Variants in ROBO2 observed in about 807,000 individuals in gnomAD.
ROBO2 encodes roundabout homolog 2.
ROBO2 carries 53 observed loss-of-function variants against 160.8 expected under a neutral mutation model. That is an observed-to-expected ratio of 0.33 (90% CI 0.26 to 0.41). The LOEUF is 0.41. Among genes scored for constraint, ROBO2 ranks in the 10% least tolerant of loss-of-function variants. The pLI, the probability that ROBO2 is intolerant of heterozygous loss-of-function variation, is 1.00. For missense variants in ROBO2, 1,577 were observed against 1,722.4 expected, an observed-to-expected ratio of 0.92 and a Z score of 1.49; for synonymous variants, 664 against 611.7, an observed-to-expected ratio of 1.09 and a Z score of -1.26.
At chr3:76,023,523 CAGTT>C (rs1201411774) in intron 2 of ROBO2, among the ~76,000 whole-genome samples, 8 of 151,480 alleles carry the variant, frequency 5.3e-5, no homozygotes, top group Non-Finnish European at 8.9e-5. Context: ...GATGGAAGAA[CAGTT>C]AGTTGCTAAA....
At chr3:76,715,552 A>G (rs1218896715) in intron 2 of ROBO2, among the ~76,000 whole-genome samples, 2 of 152,162 alleles carry the variant, frequency 1.3e-5, no homozygotes, top group Admixed American at 6.5e-5. Context: ...TTTGAACAAG[A>G]ATCTTGGTCC....
chr3:76,589,592 C>G (rs978318756), intron 2 of ROBO2, among the ~76,000 whole-genome samples: 2 of 152,168 alleles, frequency 1.3e-5, no homozygotes, highest in Admixed American at 1.3e-4. Flanking sequence ...AAACACTCCT[C>G]AAATGGGAAA....
At chr3:77,372,518 C>T (rs2071921109) in intron 2 of ROBO2, among the ~76,000 whole-genome samples, 3 of 152,260 alleles carry the variant, frequency 2.0e-5, no homozygotes, top group East Asian at 1.9e-4. Flanking sequence ...ATAATCATGT[C>T]ACCGTGCATA....
intron 2 of ROBO2, among the ~76,000 whole-genome samples, chr3:77,306,647 A>G (rs1218430388): frequency 2.0e-5 from 3 of 152,198 alleles, no homozygotes; most frequent in African/African-American, 4.8e-5. Flanking sequence ...GTCTAAAAAG[A>G]TGGAGACATA....
At chr3:77,066,522 T>C (rs1241681459) in intron 1 of ROBO2, among the ~76,000 whole-genome samples, 1 of 152,070 alleles carries the variant, frequency 6.6e-6, no homozygotes, top group African/African-American at 2.4e-5. Context: ...TAGACAGCAA[T>C]CTCTATGTGA....
At chr3:76,055,809 AGT>A (rs2067824028) in intron 2 of ROBO2, among the ~76,000 whole-genome samples, 2 of 152,070 alleles carry the variant, frequency 1.3e-5, no homozygotes, top group African/African-American at 4.8e-5. Context: ...GGCAGGCTGG[AGT>A]GCAGTGGCGC....
intron 2 of ROBO2, among the ~76,000 whole-genome samples, chr3:76,249,680 A>G (rs1206139505): frequency 6.6e-6 from 1 of 152,088 alleles, no homozygotes; most frequent in African/African-American, 2.4e-5. Flanking sequence ...TTTACTGCAG[A>G]AAATTATTTG....
At chr3:76,036,244 G>T (rs2067103706) in intron 2 of ROBO2, among the ~76,000 whole-genome samples, 1 of 151,830 alleles carries the variant, frequency 6.6e-6, no homozygotes, top group Non-Finnish European at 1.5e-5. Context: ...CCGCCTCCCG[G>T]GTTCAAGTGA....
intron 2 of ROBO2, among the ~76,000 whole-genome samples, chr3:76,295,693 A>G (rs7610408): frequency 0.016 from 2,394 of 152,262 alleles, 52 homozygotes; most frequent in African/African-American, 0.054. Context: ...AGCCTTTATC[A>G]AGAAAACATT....
chr3:76,138,697 G>T (rs1442023585), intron 2 of ROBO2, among the ~76,000 whole-genome samples: 2 of 152,018 alleles, frequency 1.3e-5, no homozygotes, highest in Non-Finnish European at 2.9e-5. Flanking sequence ...CTTGTCCACA[G>T]AATCCAATTA....
At chr3:76,604,972 C>T (rs1049916363) in intron 2 of ROBO2, among the ~76,000 whole-genome samples, 3 of 152,096 alleles carry the variant, frequency 2.0e-5, no homozygotes, top group South Asian at 2.1e-4. Context: ...AAGCAAACTA[C>T]GTCAAACTGA....
At chr3:77,607,772 C>T in intron 20 of ROBO2, 26 bp from the exon 22 acceptor site, 3 of 1,609,338 alleles carry the variant, frequency 1.9e-6, no homozygotes, top group Non-Finnish European at 2.6e-6. Flanking sequence ...TTTGGCATCT[C>T]TGAATAAATA....
intron 2 of ROBO2, among the ~76,000 whole-genome samples, chr3:77,217,842 G>C (rs927768363): frequency 3.3e-5 from 5 of 152,102 alleles, no homozygotes; most frequent in Non-Finnish European, 7.3e-5. Context: ...GAAACCCAGG[G>C]TCTAGACTAA....
intron 2 of ROBO2, among the ~76,000 whole-genome samples, chr3:76,074,978 A>G (rs1282834610): frequency 1.3e-5 from 2 of 152,196 alleles, no homozygotes; most frequent in Non-Finnish European, 2.9e-5. Flanking sequence ...CTAGAAACAT[A>G]CTTGGGGGAT....
chr3:77,533,998 T>C (rs1353889509), intron 6 of ROBO2, among the ~76,000 whole-genome samples: 1 of 152,094 alleles, frequency 6.6e-6, no homozygotes. Flanking sequence ...AAGTATCATT[T>C]TTCCCATAAA....
chr3:76,385,784 CA>C (rs887922899), intron 2 of ROBO2, among the ~76,000 whole-genome samples: 3 of 150,976 alleles, frequency 2.0e-5, no homozygotes, highest in African/African-American at 4.9e-5. Flanking sequence ...GAAAGAGTGG[CA>C]AAAAAAAGAC....
At chr3:77,606,051 G>T (rs768788216) in intron 20 of ROBO2, among the ~76,000 whole-genome samples, 23 of 152,132 alleles carry the variant, frequency 1.5e-4, no homozygotes, top group Non-Finnish European at 2.1e-4. Flanking sequence ...AAGGATTAAG[G>T]TTCATCTACC....
rs113202821 is a variant in ROBO2 at position 76,734,142 on chromosome 3, C to T, written c.110-363872C>T. Among the ~76,000 whole-genome samples, 49 of 151,942 alleles carry T rather than the reference C, an allele frequency of 3.2e-4. 2 individuals are homozygous for T. In the South Asian group the frequency reaches 3.7e-3, roughly 12 times the overall value. On this transcript the variant is annotated intron_variant, in intron 2 of 26. Coordinates refer to the ROBO2 transcript ENST00000487694. ...GTACTTCAACATACGAACATGGGGG[C>T]GGGGGACAAAAACGTCTAGCCCATA...
chr3:76,078,460 G>A (rs961439976), intron 2 of ROBO2, among the ~76,000 whole-genome samples: 1 of 152,032 alleles, frequency 6.6e-6, no homozygotes, highest in Non-Finnish European at 1.5e-5. Context: ...TGACCTCCTA[G>A]GCTCAAGCAA....
Sources: allele counts gnomAD v4.1 joint callset (sites outside exome capture counted in the v4.1 genomes callset), GRCh38; gene constraint gnomAD v4.1.1; transcripts MANE v1.5; gene names NCBI Gene and HGNC (gene_info 2026-07-23, HGNC 2026-07-21).